Variants in ANKRD55 observed in about 807,000 individuals in gnomAD.
ANKRD55 encodes the protein ankyrin repeat domain 55.
In ANKRD55, 41 loss-of-function variants were observed where a neutral mutation model predicts 60.6. The ratio of observed to expected loss-of-function variants is 0.68; its 90% CI spans 0.53 to 0.88. The LOEUF (loss-of-function observed/expected upper bound fraction) is 0.88. Among genes scored for constraint, ANKRD55 ranks in the 40% least tolerant of loss-of-function variants. The probability of loss-of-function intolerance (pLI) is 0.00; values close to 1 mark genes in which losing one functional copy is unlikely to be tolerated. For missense variants in ANKRD55, 732 were observed against 767.6 expected, an observed-to-expected ratio of 0.95 and a Z score of 0.55; for synonymous variants, 264 against 290.3, an observed-to-expected ratio of 0.91 and a Z score of 0.92.
intron 9 of ANKRD55, among the ~76,000 whole-genome samples, chr5:56,114,514 A>G (rs1756831087): frequency 6.6e-6 from 1 of 152,218 alleles, no homozygotes; most frequent in Non-Finnish European, 1.5e-5. Context: ...TGTCCAATAG[A>G]TTGGTGGTGA....
intron 2 of ANKRD55, among the ~76,000 whole-genome samples, chr5:56,218,877 G>A (rs1262127184): frequency 7.2e-5 from 11 of 152,088 alleles, no homozygotes; most frequent in East Asian, 1.9e-4. Context: ...TAAAGCAAAC[G>A]GGGCAAAATG....
intron 4 of ANKRD55, among the ~76,000 whole-genome samples, chr5:56,173,572 C>CTATATATA (rs1554041248): frequency 1.1e-4 from 12 of 106,038 alleles, no homozygotes; most frequent in Non-Finnish European, 2.0e-4. Flanking sequence ...CTCTCTCTCT[C>CTATATATA]TCTCTCTCTC....
At chr5:56,196,294 T>C (rs1485119284) in intron 2 of ANKRD55, among the ~76,000 whole-genome samples, 1 of 152,226 alleles carries the variant, frequency 6.6e-6, no homozygotes, top group Non-Finnish European at 1.5e-5. Context: ...TAGAAGATTG[T>C]ATTATTATTC....
chr5:56,120,325 C>A (rs1428035871), intron 8 of ANKRD55, among the ~76,000 whole-genome samples: 1 of 152,140 alleles, frequency 6.6e-6, no homozygotes, highest in African/African-American at 2.4e-5. Context: ...CCGCACCAAG[C>A]CCTCTTAACA....
intron 8 of ANKRD55, among the ~76,000 whole-genome samples, chr5:56,123,813 T>C (rs1293948054): frequency 6.6e-6 from 1 of 152,204 alleles, no homozygotes; most frequent in African/African-American, 2.4e-5. Context: ...ACTCATGTCC[T>C]TGGGGCCAGT....
At chr5:56,191,786 C>T (rs551440103) in intron 2 of ANKRD55, among the ~76,000 whole-genome samples, 2 of 152,066 alleles carry the variant, frequency 1.3e-5, no homozygotes, top group Non-Finnish European at 2.9e-5. Flanking sequence ...TCTGGCCCTG[C>T]GATGTACACT....
At chr5:56,105,673 C>T (rs1011765783) in intron 10 of ANKRD55, among the ~76,000 whole-genome samples, 8 of 152,118 alleles carry the variant, frequency 5.3e-5, no homozygotes, top group East Asian at 1.9e-4. Context: ...ATGACCATGC[C>T]GTGAGGTCTG....
At chr5:56,192,921 A>G in intron 2 of ANKRD55, 1 of 636,324 alleles carries the variant, frequency 1.6e-6, no homozygotes, top group Non-Finnish European at 2.7e-6. Flanking sequence ...AGTTCAGAAG[A>G]AAATAAAGAC....
intron 8 of ANKRD55, among the ~76,000 whole-genome samples, chr5:56,121,855 C>A (rs1387436329): frequency 6.6e-6 from 1 of 152,008 alleles, no homozygotes; most frequent in African/African-American, 2.4e-5. Flanking sequence ...TAGAATTAGA[C>A]CCTGAATTTT....
At chr5:56,166,134 C>A (rs1448750310) in intron 5 of ANKRD55, among the ~76,000 whole-genome samples, 1 of 99,588 alleles carries the variant, frequency 1.0e-5, no homozygotes, top group African/African-American at 5.6e-5. Context: ...TTCTTTCTTT[C>A]TTTCTTTCTT....
chr5:56,190,413 G>T (rs1340709640), intron 2 of ANKRD55, among the ~76,000 whole-genome samples: 1 of 152,142 alleles, frequency 6.6e-6, no homozygotes, highest in African/African-American at 2.4e-5. Flanking sequence ...CCAGTGTCAT[G>T]AAGCTTTTCC....
chr5:56,113,002 T>C (rs767920979), intron 9 of ANKRD55, among the ~76,000 whole-genome samples: 4 of 152,206 alleles, frequency 2.6e-5, no homozygotes, highest in African/African-American at 7.2e-5. Flanking sequence ...TCTAGACTCC[T>C]AATACCACCA....
At chr5:56,132,930 G>A (rs1484505446) in intron 7 of ANKRD55, among the ~76,000 whole-genome samples, 1 of 152,102 alleles carries the variant, frequency 6.6e-6, no homozygotes, top group Non-Finnish European at 1.5e-5. Flanking sequence ...GATAAAGAAG[G>A]GTATTACATA....
At chr5:56,144,008 G>C in intron 6 of ANKRD55, 79 bp from the exon 7 acceptor site, 1 of 1,581,812 alleles carries the variant, frequency 6.3e-7, no homozygotes, top group Non-Finnish European at 8.6e-7. Context: ...TTTCTCCTCA[G>C]GCCTGGGGGC....
At position 56,135,249 on chromosome 5, in the gene ANKRD55, TCCTTCCTTCCTTCTTTCCC is replaced by T. The variant is rs1561263719; in HGVS notation, c.613-8162_613-8144del. Among the ~76,000 whole-genome samples, 409 of 136,374 alleles carry T rather than the reference TCCTTCCTTCCTTCTTTCCC, an allele frequency of 3.0e-3. 10 individuals are homozygous for T. The highest frequency in any genetic ancestry group is 0.011 in the African/African-American group (388 of 35,032). The allele number at this position is 136,374 out of a possible 152,430, so 89.5% of individuals were successfully genotyped here. A position where few individuals can be genotyped will look rare whatever the true frequency, so the allele number is the denominator to read the frequency against. ...TTCCTTCCTTCCTTCCTTCCTTCCT[TCCTTCCTTCCTTCTTTCCC>T]TCCCTCCCTCCCTGCCTGCCTGCTT... On this transcript the variant is annotated intron_variant, in intron 7 of 11. Coordinates refer to ENST00000341048, the MANE Select transcript of ANKRD55 (RefSeq NM_024669.3).
intron 2 of ANKRD55, among the ~76,000 whole-genome samples, chr5:56,213,727 G>A (rs159566): frequency 0.33 from 49,974 of 151,998 alleles, 9,815 homozygotes; most frequent in African/African-American, 0.54. Context: ...TCCAGAAGGC[G>A]TCGTAGTCTC....
intron 7 of ANKRD55, among the ~76,000 whole-genome samples, chr5:56,136,338 A>G (rs1271203217): frequency 6.6e-6 from 1 of 152,226 alleles, no homozygotes; most frequent in Non-Finnish European, 1.5e-5. Flanking sequence ...GGTGACTGAC[A>G]CTACTCAACT....
intron 4 of ANKRD55, among the ~76,000 whole-genome samples, chr5:56,174,951 C>G (rs560621792): frequency 4.3e-4 from 65 of 152,186 alleles, no homozygotes; most frequent in Non-Finnish European, 7.1e-4. Flanking sequence ...GGGTATACCC[C>G]TGGTACCTGC....
chr5:56,230,080 A>G (rs1397658953), intron 2 of ANKRD55, among the ~76,000 whole-genome samples: 2 of 152,092 alleles, frequency 1.3e-5, no homozygotes, highest in Non-Finnish European at 2.9e-5. Flanking sequence ...CAGCATTTTC[A>G]GAATTTCTTC....
Sources: allele counts gnomAD v4.1 joint callset (sites outside exome capture counted in the v4.1 genomes callset), GRCh38; gene constraint gnomAD v4.1.1; transcripts MANE v1.5; gene names NCBI Gene and HGNC (gene_info 2026-07-23, HGNC 2026-07-21).